The following MAGI1 variants were observed in gnomAD, a reference collection of about 807,000 sequenced individuals.
MAGI1 encodes membrane associated guanylate kinase, WW and PDZ domain containing 1, also known as membrane-associated guanylate kinase, WW and PDZ domain-containing protein 1.
A neutral mutation model predicts 139.9 loss-of-function variants in MAGI1; 58 were observed. That is an observed-to-expected ratio of 0.41 (90% CI 0.34 to 0.52). MAGI1 has a LOEUF of 0.52. Among genes scored for constraint, MAGI1 ranks in the 20% least tolerant of loss-of-function variants. The pLI is 0.12. For synonymous variants in MAGI1, 812 were observed against 737.9 expected (o/e 1.10, Z -1.63); for missense variants, 1,874 against 1,901.6 (o/e 0.99, Z 0.27).
At chr3:65,600,826 T>C (rs1336765167) in intron 2 of MAGI1, among the ~76,000 whole-genome samples, 2 of 152,214 alleles carry the variant, frequency 1.3e-5, no homozygotes, top group African/African-American at 4.8e-5. Flanking sequence ...CAATAAATGC[T>C]GTGGAAAAGT....
At chr3:65,678,762 G>T (rs2087365738) in intron 1 of MAGI1, among the ~76,000 whole-genome samples, 1 of 152,114 alleles carries the variant, frequency 6.6e-6, no homozygotes, top group Admixed American at 6.5e-5. Context: ...CACGCTCCTT[G>T]AACAAGAAAA....
At chr3:65,682,763 C>G (rs2087683889) in intron 1 of MAGI1, among the ~76,000 whole-genome samples, 1 of 152,072 alleles carries the variant, frequency 6.6e-6, no homozygotes, top group Admixed American at 6.6e-5. Flanking sequence ...AAAACTTTCA[C>G]TCTGTGAAAG....
chr3:65,677,562 C>G (rs1364074316), intron 1 of MAGI1, among the ~76,000 whole-genome samples: 4 of 152,162 alleles, frequency 2.6e-5, no homozygotes, highest in Non-Finnish European at 2.9e-5. Flanking sequence ...CATGTGGAAA[C>G]AGGAAGGTAG....
At chr3:65,549,988 G>T (rs1403045577) in intron 2 of MAGI1, among the ~76,000 whole-genome samples, 1 of 152,014 alleles carries the variant, frequency 6.6e-6, no homozygotes, top group Non-Finnish European at 1.5e-5. Flanking sequence ...TTCTCTTCTG[G>T]TACAGAACAT....
intron 1 of MAGI1, among the ~76,000 whole-genome samples, chr3:65,916,924 G>A (rs918435873): frequency 5.9e-5 from 9 of 152,188 alleles, no homozygotes; most frequent in African/African-American, 1.7e-4. Flanking sequence ...TAAAATCTTG[G>A]ATAATCATAC....
At chr3:65,787,549 G>A (rs1024873074) in intron 1 of MAGI1, among the ~76,000 whole-genome samples, 2 of 149,702 alleles carry the variant, frequency 1.3e-5, no homozygotes, top group Admixed American at 6.7e-5. Flanking sequence ...ATTACTCCGT[G>A]TAACTGAGGG....
chr3:65,387,006 A>C, intron 14 of MAGI1: 1 of 684,978 alleles, frequency 1.5e-6, no homozygotes, highest in East Asian at 2.7e-5. Flanking sequence ...GGTCAACAAG[A>C]GCTCCAAAGC....
In MAGI1 at chr3:65,701,067, G is replaced by A. The variant is rs556902445; in HGVS notation, c.314-78979C>T. Reference sequence around the variant, plus strand: ...AATTATGTCCACAATATAGCTTAAGGGCAGTTTCTAAAAACAGGTTTACCA... The same window carrying A: ...AATTATGTCCACAATATAGCTTAAGAGCAGTTTCTAAAAACAGGTTTACCA... On this transcript the variant is annotated intron_variant, in intron 1 of 22. Coordinates refer to ENST00000402939, the MANE Select transcript of MAGI1 (RefSeq NM_001033057.2). Among the ~76,000 whole-genome samples the A allele has an allele frequency of 2.0e-5, 3 of 152,092 alleles. 1 individual carries two copies. The South Asian group carries it at 6.2e-4, about 32-fold the overall frequency.
At chr3:65,904,931 A>G (rs2061377292) in intron 1 of MAGI1, among the ~76,000 whole-genome samples, 2 of 152,174 alleles carry the variant, frequency 1.3e-5, no homozygotes, top group African/African-American at 4.8e-5. Context: ...AGCAGGTAAC[A>G]GGACAAGAAA....
At chr3:66,002,966 A>G (rs1248336529) in intron 1 of MAGI1, among the ~76,000 whole-genome samples, 1 of 152,216 alleles carries the variant, frequency 6.6e-6, no homozygotes, top group Non-Finnish European at 1.5e-5. Context: ...TTAATAGTAC[A>G]GAGCTGGAAT....
intron 1 of MAGI1, among the ~76,000 whole-genome samples, chr3:65,882,586 G>A (rs1470230335): frequency 6.6e-6 from 1 of 152,076 alleles, no homozygotes; most frequent in African/African-American, 2.4e-5. Flanking sequence ...GCAAGAGAGA[G>A]AAAGAAAGGA....
chr3:66,038,222 C>T lies in MAGI1; in HGVS notation c.87G>A (p.Gly29=), dbSNP rs1032143909. The T allele has an allele frequency of 3.1e-6, 5 of 1,611,858 alleles. No individual in the cohort carries two copies. In the South Asian group the frequency reaches 4.4e-5, roughly 14 times the overall value. Residue 29 remains glycine, a synonymous_variant, in exon 1 of 23, where the codon GGG becomes GGA. Transcript: ENST00000402939. ...GCTCCGCGCCTCCCAGCACCGTCACCCCCAGCTCGCCCTGGGGTCCCCGCT... is the reference window on the plus strand; with the variant it reads ...GCTCCGCGCCTCCCAGCACCGTCACTCCCAGCTCGCCCTGGGGTCCCCGCT... ...TVKRGPQGEL[G]VTVLGGAEHG...
At chr3:65,745,495 T>C (rs1014736013) in intron 1 of MAGI1, among the ~76,000 whole-genome samples, 20 of 152,186 alleles carry the variant, frequency 1.3e-4, no homozygotes, top group African/African-American at 4.3e-4. Context: ...GGCAAGCATA[T>C]TTTGCATGAA....
intron 1 of MAGI1, among the ~76,000 whole-genome samples, chr3:65,972,099 C>G (rs2065039556): frequency 6.6e-6 from 1 of 152,304 alleles, no homozygotes; most frequent in South Asian, 2.1e-4. Flanking sequence ...GGCAGCCTGA[C>G]TGGTCCCTAA....
intron 17 of MAGI1, among the ~76,000 whole-genome samples, chr3:65,377,863 T>A (rs1463241523): frequency 6.6e-6 from 1 of 152,136 alleles, no homozygotes; most frequent in Admixed American, 6.5e-5. Context: ...AACATAAAAC[T>A]TACGGGGAGA....
At chr3:65,505,953 T>C (rs1458101986) in intron 2 of MAGI1, among the ~76,000 whole-genome samples, 3 of 152,140 alleles carry the variant, frequency 2.0e-5, no homozygotes, top group African/African-American at 4.8e-5. Flanking sequence ...TAATAAATAG[T>C]ATAATTTACT....
intron 1 of MAGI1, among the ~76,000 whole-genome samples, chr3:65,908,222 C>G (rs2061514535): frequency 6.6e-6 from 1 of 152,104 alleles, no homozygotes; most frequent in African/African-American, 2.4e-5. Context: ...CAGAAAATGT[C>G]TACGAAACAA....
intron 1 of MAGI1, among the ~76,000 whole-genome samples, chr3:66,015,612 T>C (rs1490509946): frequency 6.6e-6 from 1 of 152,212 alleles, no homozygotes; most frequent in Non-Finnish European, 1.5e-5. Flanking sequence ...GGTACATATA[T>C]GCTAGATATT....
chr3:65,896,631 T>C (rs555488560), intron 1 of MAGI1, among the ~76,000 whole-genome samples: 50 of 152,214 alleles, frequency 3.3e-4, no homozygotes, highest in African/African-American at 1.2e-3. Context: ...ACTATGATTG[T>C]GCCACTGCAC....
Sources: allele counts gnomAD v4.1 joint callset (sites outside exome capture counted in the v4.1 genomes callset), GRCh38; gene constraint gnomAD v4.1.1; transcripts MANE v1.5; gene names NCBI Gene and HGNC (gene_info 2026-07-23, HGNC 2026-07-21).